The following MYH10 variants were observed in gnomAD, a reference collection of about 807,000 sequenced individuals.
The protein encoded by MYH10 is myosin heavy chain 10, also known as myosin-10.
In MYH10, 55 loss-of-function variants were observed where a neutral mutation model predicts 257.8. The ratio of observed to expected loss-of-function variants is 0.21; its 90% confidence interval spans 0.17 to 0.27. The LOEUF (loss-of-function observed/expected upper bound fraction) is 0.27. Among genes scored for constraint, MYH10 ranks in the 10% least tolerant of loss-of-function variants. The pLI, the probability that MYH10 is intolerant of heterozygous loss-of-function variation, is 1.00. For missense variants in MYH10, 1,631 were observed against 2,500.6 expected (o/e 0.65, Z 7.42); for synonymous variants, 854 against 921.7 (o/e 0.93, Z 1.33).
At chr17:8,500,298 G>A (rs546375676) in intron 29 of MYH10, among the ~76,000 whole-genome samples, 1 of 152,282 alleles carries the variant, frequency 6.6e-6, no homozygotes, top group South Asian at 2.1e-4. Flanking sequence ...GTGAGTCACA[G>A]GGCACATGAA....
chr17:8,521,856 G>A (rs2030336686), intron 17 of MYH10, among the ~76,000 whole-genome samples: 1 of 152,182 alleles, frequency 6.6e-6, no homozygotes, highest in African/African-American at 2.4e-5. Context: ...CAATGTGTAA[G>A]CTTCAGTTCT....
intron 7 of MYH10, among the ~76,000 whole-genome samples, chr17:8,554,915 T>C (rs1484215908): frequency 6.6e-6 from 1 of 152,188 alleles, no homozygotes. Flanking sequence ...ATCGCGCCAC[T>C]GCACTCCAGC....
At chr17:8,521,946 A>G (rs2081667578) in intron 17 of MYH10, among the ~76,000 whole-genome samples, 1 of 152,246 alleles carries the variant, frequency 6.6e-6, no homozygotes, top group Non-Finnish European at 1.5e-5. Flanking sequence ...TAAATGACTA[A>G]GCTTCCTAGG....
chr17:8,484,019 AAAAC>A (rs1207345038), intron 37 of MYH10, 115 bp downstream of exon 37: 17 of 1,005,166 alleles, frequency 1.7e-5, no homozygotes, highest in Admixed American at 2.8e-5. Flanking sequence ...AAAAAAATAA[AAAAC>A]AAAAATGTAT....
Position 8,569,840 on chromosome 17 carries a change from A to C in MYH10, c.664-28T>G, listed in dbSNP as rs1428844237. The stretch of plus-strand genomic sequence containing the variant: ...AAAAGACATTACACACACACAAATA[A>C]AAGCAGATGTACGTTAATCTAATGT... On this transcript the variant is annotated intron_variant, in intron 6 of 42. Transcript: ENST00000360416. The surrounding 1 kb of genome is among the most constrained non-coding windows in gnomAD (Gnocchi z 4.1). 3.9e-6 allele frequency: 6 copies of C among 1,519,492 alleles called. No homozygotes were observed. Among genetic ancestry groups the C allele is most frequent in the Non-Finnish European group, 5.4e-6 (6 of 1,107,828 alleles). The allele number at this position is 1,519,492 out of a possible 1,614,324, so 94.1% of individuals were successfully genotyped here.
chr17:8,612,871 T>C (rs1040724583), intron 2 of MYH10, among the ~76,000 whole-genome samples: 2 of 151,684 alleles, frequency 1.3e-5, no homozygotes, highest in African/African-American at 4.8e-5. Flanking sequence ...AAAAAAAAAT[T>C]ATCATAGGTA....
intron 28 of MYH10, 53 bp from the exon 29 acceptor site, chr17:8,501,023 C>G: frequency 6.5e-7 from 1 of 1,536,114 alleles, no homozygotes; most frequent in African/African-American, 1.4e-5. Context: ...TGATTAAAAA[C>G]ACATTTTCTT....
At chr17:8,556,830 A>ATATAACTC (rs1436729609) in intron 7 of MYH10, among the ~76,000 whole-genome samples, 1 of 152,238 alleles carries the variant, frequency 6.6e-6, no homozygotes, top group Non-Finnish European at 1.5e-5. Flanking sequence ...AATTTTAAAA[A>ATATAACTC]TATAACTCAA....
chr17:8,609,650 C>T (rs909939833), intron 2 of MYH10, among the ~76,000 whole-genome samples: 2 of 151,688 alleles, frequency 1.3e-5, no homozygotes, highest in African/African-American at 4.8e-5. Context: ...CATCTGAAAA[C>T]GTAAAATTAA....
chr17:8,629,476 C>T (rs531492623), intron 1 of MYH10, among the ~76,000 whole-genome samples: 150 of 152,174 alleles, frequency 9.9e-4, no homozygotes, highest in African/African-American at 3.4e-3. Context: ...TCTGACCCGC[C>T]GAGTCGCCAA....
intron 28 of MYH10, among the ~76,000 whole-genome samples, chr17:8,501,871 A>C (rs1297053448): frequency 6.6e-6 from 1 of 152,220 alleles, no homozygotes; most frequent in Non-Finnish European, 1.5e-5. Flanking sequence ...TGGCTGTAAC[A>C]AATACAGGGT....
chr17:8,594,427 A>G (rs1280722798), intron 3 of MYH10, among the ~76,000 whole-genome samples: 1 of 152,214 alleles, frequency 6.6e-6, no homozygotes, highest in Non-Finnish European at 1.5e-5. Flanking sequence ...AAAGATGGAC[A>G]ATACCAAGGG....
rs753436900 is a variant in MYH10, at chr17:8,509,779, TA to T, written c.3090+32del. 6.7e-4 allele frequency: 1,052 copies of T among 1,572,954 alleles called. 1 individual carries two copies. Among genetic ancestry groups the T allele is most frequent in the Admixed American group, 1.5e-3 (76 of 51,778 alleles). ...ATATTATATAAATATTTTCTGTAAC[TA>T]AAATCAGCTTTTTGTGGGAACACTC... On this transcript the variant is annotated intron_variant, in intron 25 of 42. Transcript: ENST00000360416.
chr17:8,520,946 G>C lies in MYH10; in HGVS notation c.2205C>G (p.Val735=), dbSNP rs2081634566. ...GGCGACAGATTCGGATCCCTTCCAG[G>C]ACACCGTTACAGCGAAGCTGATCTA... ...LVLDQLRCNG[V]LEGIRICRQG... The change falls in exon 19 of 43, where the codon GTC becomes GTG. Residue 735 remains valine (V), a synonymous_variant. Transcript: ENST00000360416. 6.2e-7 allele frequency: 1 copy of C among 1,613,760 alleles called. No individual in the cohort carries two copies.
chr17:8,598,558 C>CA (rs1191534715), intron 3 of MYH10, among the ~76,000 whole-genome samples: 1 of 152,002 alleles, frequency 6.6e-6, no homozygotes, highest in Non-Finnish European at 1.5e-5. Flanking sequence ...AATAAATTAG[C>CA]AAAAAATTGT....
At chr17:8,602,940 A>G (rs969032498) in intron 3 of MYH10, among the ~76,000 whole-genome samples, 1 of 152,210 alleles carries the variant, frequency 6.6e-6, no homozygotes, top group African/African-American at 2.4e-5. Context: ...ACTAAAAATG[A>G]TATTAATAAT....
At chr17:8,583,822 G>A (rs2083800034) in intron 4 of MYH10, among the ~76,000 whole-genome samples, 1 of 152,254 alleles carries the variant, frequency 6.6e-6, no homozygotes, top group Admixed American at 6.5e-5. Context: ...AGGCCATTGT[G>A]AGGCAACCAT....
chr17:8,490,382 C>G lies in MYH10; in HGVS notation c.4842G>C (p.Arg1614Ser). Residue 1614 changes from arginine to serine, a missense_variant, in exon 35 of 43, where the codon AGG becomes AGC. Arg to Ser is a moderately radical substitution (Grantham distance 110). Transcript: ENST00000360416. The surrounding 1 kb of genome is among the most constrained non-coding windows in gnomAD (Gnocchi z 4.1). Reference protein sequence around the residue: ...KAQFERDLQTRDEQNEEKKRL... With the variant: ...KAQFERDLQTSDEQNEEKKRL... Reference sequence around the variant, plus strand: ...GCTTCTTCTCTTCATTCTGCTCATCCCTGGTTTGCAGGTCTCTCTCGAACT... The same window carrying G: ...GCTTCTTCTCTTCATTCTGCTCATCGCTGGTTTGCAGGTCTCTCTCGAACT... 1 of 1,614,144 alleles carries G rather than the reference C, an allele frequency of 6.2e-7. No individual in the cohort carries two copies. Among genetic ancestry groups the G allele is most frequent in the Non-Finnish European group, 8.5e-7 (1 of 1,180,032 alleles).
At chr17:8,586,276 C>G (rs1033042760) in intron 4 of MYH10, among the ~76,000 whole-genome samples, 1 of 152,028 alleles carries the variant, frequency 6.6e-6, no homozygotes, top group Non-Finnish European at 1.5e-5. Context: ...ACTGAGTACA[C>G]TTGTGTAAAT....
Sources: gnomAD v4.1 joint callset for allele counts (sites outside exome capture counted in the v4.1 genomes callset) on GRCh38, gnomAD v4.1.1 for gene constraint, Gnocchi (gnomAD v3.1) non-coding constraint, MANE v1.5 for transcripts, NCBI Gene and HGNC (gene_info 2026-07-23, HGNC 2026-07-21) for gene names.